TPM4: variants seen among roughly 807,000 people sequenced by gnomAD.
The protein encoded by TPM4 is tropomyosin 4, also known as tropomyosin alpha-4 chain.
Under a neutral mutation model 35.8 loss-of-function variants are expected in TPM4, and 17 were observed. The observed-to-expected ratio is 0.47, with a 90% confidence interval of 0.32 to 0.71. TPM4 has a LOEUF of 0.71. Ranked by LOEUF, TPM4 falls within the 30% of genes least tolerant of loss-of-function variation. The pLI is 0.03. For synonymous variants in TPM4, 120 were observed against 122.9 expected (o/e 0.98, Z 0.15); for missense variants, 240 against 320.9 (o/e 0.75, Z 1.93).
intron 7 of TPM4, 46 bp downstream of exon 7, chr19:16,093,799 C>T: frequency 6.2e-7 from 1 of 1,602,422 alleles, no homozygotes; most frequent in Non-Finnish European, 8.5e-7. Flanking sequence ...GCCTTCCCCT[C>T]TGGGACACAT....
rs777988816 is a variant in TPM4, at chr19:16,070,128, A to G, written c.114+2390A>G. Among the ~76,000 whole-genome samples the G allele has an allele frequency of 1.3e-5, 2 of 152,082 alleles. No homozygotes were observed. The highest frequency in any genetic ancestry group is 2.9e-5 in the Non-Finnish European group (2 of 67,980). The stretch of plus-strand genomic sequence containing the variant: ...TGTGTATGTGGGGGTGTCCCTGCTA[A>G]AAGCCTGGAGGCCGGGGCAGGTGGG... On this transcript the variant is annotated intron_variant, in intron 2 of 2. Transcript: ENST00000589897. The surrounding 1 kb of genome is among the most constrained non-coding windows in gnomAD (Gnocchi z 7.4).
At chr19:16,091,005 T>C (rs900836606) in intron 5 of TPM4, among the ~76,000 whole-genome samples, 8 of 151,988 alleles carry the variant, frequency 5.3e-5, no homozygotes, top group Admixed American at 2.6e-4. Context: ...TGCCAGACAC[T>C]GCCCCGGGCC....
chr19:16,082,021 G>C lies in TPM4; in HGVS notation c.241G>C (p.Glu81Gln). 1 of 1,610,192 alleles carries C rather than the reference G, an allele frequency of 6.2e-7. No individual in the cohort carries two copies. The change falls in exon 2 of 8, where the codon GAA (glutamate) becomes CAA (glutamine). Residue 81 changes from glutamate to glutamine, a missense_variant. Physicochemically the swap from Glu to Gln is conservative, Grantham distance 29. Transcript: ENST00000643579. ...ATALQKLEEAEKAADESERGM... is the reference protein window; with the variant it reads ...ATALQKLEEAQKAADESERGM... ...GGCCCTGCAGAAGCTGGAGGAGGCA[G>C]AAAAAGCTGCAGATGAGAGTGAGAG...
At chr19:16,097,606 C>T (rs1267098733) in intron 7 of TPM4, among the ~76,000 whole-genome samples, 7 of 152,218 alleles carry the variant, frequency 4.6e-5, no homozygotes, top group Admixed American at 3.9e-4. Flanking sequence ...CAAAAACATA[C>T]CAATTTGTCC....
chr19:16,074,144 CA>C (rs2090382627), upstream of TPM4: 1 of 151,756 alleles, frequency 6.6e-6, no homozygotes, highest in Admixed American at 6.6e-5. Flanking sequence ...ACGGGCACAG[CA>C]GCTTTTTTAA....
chr19:16,076,579 A>G lies in TPM4; in HGVS notation c.14A>G (p.Asn5Ser). The change falls in exon 1 of 8, where the codon AAC becomes AGC. Residue 5 changes from asparagine to serine, a missense_variant. By Grantham distance (46) the Asn-to-Ser change is conservative. Coordinates refer to ENST00000643579, the MANE Select transcript of TPM4 (RefSeq NM_003290.3). ...CGCCTCCGCGCCATGGCCGGCCTCA[A>G]CTCCCTGGAGGCGGTGAAACGCAAG... MAGL[N>S]SLEAVKRKIQ... 6.8e-7 allele frequency: 1 copy of G among 1,465,576 alleles called. No homozygotes were observed. The highest frequency in any genetic ancestry group is 1.5e-5 in the African/African-American group (1 of 67,980). 90.8% of individuals were successfully genotyped at this position (1,465,576 alleles called of 1,614,324 possible).
chr19:16,076,122 C>G (rs772895851), upstream of TPM4: 1 of 1,588,516 alleles, frequency 6.3e-7, no homozygotes. Flanking sequence ...TTCCGAGGAC[C>G]TGAAGGACGC....
At position 16,101,952 on chromosome 19, in the gene TPM4, G is replaced by A. The variant is rs145121230; in HGVS notation, c.*606G>A. The A allele has an allele frequency of 5.6e-4, 124 of 222,868 alleles. 1 individual carries two copies. Among genetic ancestry groups the A allele is most frequent in the African/African-American group, 2.7e-3 (119 of 44,840 alleles). The allele number at this position is 222,868 out of a possible 1,614,324, so 13.8% of individuals were successfully genotyped here. A position where few individuals can be genotyped will look rare whatever the true frequency, so the allele number is the denominator to read the frequency against. On this transcript the variant is annotated 3_prime_UTR_variant, in exon 8 of 8. Coordinates refer to ENST00000643579, the MANE Select transcript of TPM4 (RefSeq NM_003290.3). ...ACAAACATCTTCTCAAGCAGTCAACGTAGAATGCTTGGGAAATAGTCATAA... is the reference window on the plus strand; with the variant it reads ...ACAAACATCTTCTCAAGCAGTCAACATAGAATGCTTGGGAAATAGTCATAA...
Position 16,068,302 on chromosome 19 carries a change from G to C in TPM4, c.114+564G>C, listed in dbSNP as rs372965886. On this transcript the variant is annotated intron_variant, in intron 2 of 2. Transcript: ENST00000589897. The stretch of plus-strand genomic sequence containing the variant: ...AGGCGATTCTCCTGCCTCAGCCTCC[G>C]AGTAGCTGGGATTACAGGCACCCAC... Among the ~76,000 whole-genome samples, 47 of 151,994 alleles carry C rather than the reference G, an allele frequency of 3.1e-4. 1 individual carries two copies. The East Asian group carries it at 3.1e-3, about 10-fold the overall frequency.
chr19:16,097,406 C>A (rs545923174), intron 7 of TPM4, among the ~76,000 whole-genome samples: 8 of 152,222 alleles, frequency 5.3e-5, no homozygotes, highest in Non-Finnish European at 1.2e-4. Flanking sequence ...TCCCAAGTAG[C>A]TGGGACTACA....
chr19:16,088,042 G>A lies in TPM4; in HGVS notation c.400G>A (p.Val134Ile). 6.2e-7 allele frequency: 1 copy of A among 1,612,076 alleles called. No homozygotes were observed. The highest frequency in any genetic ancestry group is 8.5e-7 in the Non-Finnish European group (1 of 1,179,466). Residue 134 changes from valine to isoleucine, a missense_variant, in exon 4 of 8, where the codon GTC becomes ATC. By Grantham distance (29) the Val-to-Ile change is conservative (BLOSUM62 3). Transcript: ENST00000643579. ...RKYEEVARKL[V>I]ILEGELERAE... Reference sequence around the variant, plus strand: ...GTCTCTGCAGGTAGCTCGTAAGCTGGTCATCCTGGAGGGTGAGCTGGAGAG... The same window carrying A: ...GTCTCTGCAGGTAGCTCGTAAGCTGATCATCCTGGAGGGTGAGCTGGAGAG...
At chr19:16,073,958 A>AAAAAAAC (rs1455511715), upstream of TPM4, among the ~76,000 whole-genome samples, 45 of 120,304 alleles carry the variant, frequency 3.7e-4, no homozygotes, top group African/African-American at 1.4e-3. Context: ...AAAAAAAAAA[A>AAAAAAAC]AACGCAAAAA....
At chr19:16,077,545 T>C (rs1356515010) in intron 1 of TPM4, 1 of 152,234 alleles carries the variant, frequency 6.6e-6, no homozygotes, top group South Asian at 2.1e-4. Flanking sequence ...TCGGGACAGA[T>C]GGTGGCACCG....
Position 16,067,942 on chromosome 19 carries a change from A to C in TPM4, c.114+204A>C, listed in dbSNP as rs2090314608. The C allele has an allele frequency of 1.9e-6, 1 of 527,712 alleles. No homozygotes were observed. The highest frequency in any genetic ancestry group is 2.5e-5 in the South Asian group (1 of 39,418). The allele number at this position is 527,712 out of a possible 1,614,324, so 32.7% of individuals were successfully genotyped here. ...AGGGGTGACGATCGGACCCACCCCC[A>C]GCAGGGCCAGTGCGAACAAAGTGAG... On this transcript the variant is annotated intron_variant, in intron 2 of 2. Coordinates refer to the TPM4 transcript ENST00000589897. The surrounding 1 kb of genome is among the most constrained non-coding windows in gnomAD (Gnocchi z 4.1).
chr19:16,087,791 G>C (rs1290152042), intron 3 of TPM4, among the ~76,000 whole-genome samples: 2 of 152,178 alleles, frequency 1.3e-5, no homozygotes, highest in Non-Finnish European at 2.9e-5. Flanking sequence ...TGAGGCAGGA[G>C]AATCGCTTGA....
chr19:16,101,179 GA>G (rs71334603), intron 7 of TPM4, 84 bp from the exon 8 acceptor site: 360 of 1,140,230 alleles, frequency 3.2e-4, no homozygotes, highest in South Asian at 1.7e-3. Flanking sequence ...TCAAGAAGAA[GA>G]AAAAAAAACA....
chr19:16,072,160 T>G (rs73515750), upstream of TPM4, among the ~76,000 whole-genome samples: 3,052 of 152,274 alleles, frequency 0.02, 115 homozygotes, highest in African/African-American at 0.07. Flanking sequence ...ACTGAAGGGT[T>G]TGGGGTTGTG....
rs144214298 is a variant in TPM4 at position 16,097,383 on chromosome 19, T to A, written c.664+3630T>A. Among the ~76,000 whole-genome samples, 396 of 152,220 alleles carry A rather than the reference T, an allele frequency of 2.6e-3. 1 individual carries two copies. The highest frequency in any genetic ancestry group is 9.1e-3 in the African/African-American group (376 of 41,526). ...TCTGCCTCACGGGTTCAAGCAATTCTCCTGCCTCAGCCTCCCAAGTAGCTG... is the reference window on the plus strand; with the variant it reads ...TCTGCCTCACGGGTTCAAGCAATTCACCTGCCTCAGCCTCCCAAGTAGCTG... On this transcript the variant is annotated intron_variant, in intron 7 of 7. Coordinates refer to ENST00000643579, the MANE Select transcript of TPM4 (RefSeq NM_003290.3).
Position 16,076,497 on chromosome 19 carries a change from G to T in TPM4, c.-69G>T. ...GCTTGGGGGGCCGGGGCGCGGCTGTGCAGCTCTCGCCGGAGCCGAGCCCAG... is the reference window on the plus strand; with the variant it reads ...GCTTGGGGGGCCGGGGCGCGGCTGTTCAGCTCTCGCCGGAGCCGAGCCCAG... On this transcript the variant is annotated 5_prime_UTR_variant, in exon 1 of 8. Transcript: ENST00000643579. 1 of 1,352,812 alleles carries T rather than the reference G, an allele frequency of 7.4e-7. No homozygotes were observed. Among genetic ancestry groups the T allele is most frequent in the Non-Finnish European group, 9.4e-7 (1 of 1,060,570 alleles). 83.8% of individuals were successfully genotyped at this position (1,352,812 alleles called of 1,614,324 possible). A position where few individuals can be genotyped will look rare whatever the true frequency, so the allele number is the denominator to read the frequency against.
Sources: gnomAD v4.1 joint callset for allele counts (sites outside exome capture counted in the v4.1 genomes callset) on GRCh38, gnomAD v4.1.1 for gene constraint, Gnocchi (gnomAD v3.1) non-coding constraint, MANE v1.5 for transcripts, NCBI Gene and HGNC (gene_info 2026-07-23, HGNC 2026-07-21) for gene names.